Variants in MAP4 observed in about 807,000 individuals in gnomAD.
MAP4 encodes microtubule associated protein 4.
A neutral mutation model predicts 170.2 loss-of-function variants in MAP4; 76 were observed. The ratio of observed to expected loss-of-function variants is 0.45; its 90% confidence interval spans 0.37 to 0.54. The LOEUF is 0.54. Ranked by LOEUF, MAP4 falls within the 20% of genes least tolerant of loss-of-function variation. MAP4 has a pLI of 0.00. For missense variants in MAP4, 2,506 were observed against 2,748.0 expected (o/e 0.91, Z 1.97); for synonymous variants, 909 against 994.5 (o/e 0.91, Z 1.62).
In MAP4 at chr3:47,871,104, A is replaced by G. The variant is rs2092138394; in HGVS notation, c.6003T>C (p.Ala2001=). 1 of 1,606,554 alleles carries G rather than the reference A, an allele frequency of 6.2e-7. No homozygotes were observed. The highest frequency in any genetic ancestry group is 1.3e-5 in the African/African-American group (1 of 74,704). Residue 2001 remains alanine (A), a splice_region_variant and synonymous_variant, in exon 15 of 21, where the codon GCT becomes GCC. Coordinates refer to ENST00000683076, the MANE Select transcript of MAP4 (RefSeq NM_001385682.1). ...AGGTGCTCTTTGGGCGACTCAAGTC[A>G]GCTGCAAAGAAGGGAGTGAGAGATA... ...VKKMTAKSVP[A]DLSRPKSTST... is the part of the protein sequence containing the mutation.
intron 1 of MAP4, among the ~76,000 whole-genome samples, chr3:48,074,679 TGTGTGTGTGTGTGTGTG>T (rs2100142884): frequency 4.0e-5 from 5 of 125,396 alleles, no homozygotes; most frequent in South Asian, 2.9e-4. Context: ...CAGCTAATTG[TGTGTGTGTGTGTGTGTG>T]TGTGTGTGTG....
intron 10 of MAP4, among the ~76,000 whole-genome samples, chr3:47,900,651 G>T (rs919564357): frequency 1.3e-5 from 2 of 152,074 alleles, no homozygotes; most frequent in Admixed American, 1.3e-4. Context: ...CAGGAGAATC[G>T]CTTGAACCTG....
chr3:47,853,216 CCT>C lies in MAP4; in HGVS notation c.6831_6832del (p.Gly2279TrpfsTer2), dbSNP rs760206022. On this transcript the variant is annotated frameshift_variant, in exon 20 of 21. Transcript: ENST00000683076. LOFTEE classifies it high-confidence loss of function. Reference sequence around the variant, plus strand: ...CTGGGCCTCCCTTTGGTCACCACCCCCTGACAGGGTGGGGTGGCCATTGAGGC... The same window carrying C: ...CTGGGCCTCCCTTTGGTCACCACCCCGACAGGGTGGGGTGGCCATTGAGGC... The C allele has an allele frequency of 1.0e-5, 16 of 1,579,908 alleles. No individual in the cohort carries two copies. The Admixed American group carries it at 2.1e-4, about 21-fold the overall frequency.
chr3:48,088,440 C>G (rs1246106161), intron 1 of MAP4, among the ~76,000 whole-genome samples: 1 of 152,144 alleles, frequency 6.6e-6, no homozygotes, highest in Non-Finnish European at 1.5e-5. Flanking sequence ...AGACTGCGGC[C>G]GACCCTCGCT....
At chr3:47,857,229 A>G (rs2306794) in intron 18 of MAP4, among the ~76,000 whole-genome samples, 6,423 of 152,328 alleles carry the variant, frequency 0.042, 303 homozygotes, top group Admixed American at 0.13. Context: ...TGGCTGCTGT[A>G]AGAAACTGCT....
chr3:48,065,986 A>C (rs1340719846), intron 1 of MAP4, among the ~76,000 whole-genome samples: 1 of 152,126 alleles, frequency 6.6e-6, no homozygotes, highest in African/African-American at 2.4e-5. Context: ...CGATAAATTC[A>C]ATAAACTGAA....
Position 47,910,275 on chromosome 3 carries a change from C to T in MAP4, c.4146G>A (p.Glu1382=), listed in dbSNP as rs761396513. 12 of 1,602,330 alleles carry T rather than the reference C, an allele frequency of 7.5e-6. No individual in the cohort carries two copies. Among genetic ancestry groups the T allele is most frequent in the Non-Finnish European group, 1.0e-5 (12 of 1,178,604 alleles). ...GTATTTTTGTTGCATCTATCTTATT[C>T]TCCAGAATGTGCTTCTCAGGAGAAC... ...KNSSPEKHIL[E]NKIDATKIHV... is the part of the protein sequence containing the mutation. The change falls in exon 9 of 21, where the codon GAG becomes GAA. Residue 1382 remains glutamate (E), a synonymous_variant. Coordinates refer to ENST00000683076, the MANE Select transcript of MAP4 (RefSeq NM_001385682.1).
intron 1 of MAP4, among the ~76,000 whole-genome samples, chr3:48,043,673 G>T (rs1346087876): frequency 6.6e-6 from 1 of 152,100 alleles, no homozygotes; most frequent in African/African-American, 2.4e-5. Flanking sequence ...CAAAGAAAAG[G>T]CTAGTTAGGG....
intron 3 of MAP4, chr3:47,973,273 G>A (rs890317112): frequency 3.1e-6 from 3 of 976,206 alleles, no homozygotes; most frequent in Admixed American, 6.2e-5. Context: ...GAAAAAAAAA[G>A]AGAGAGAGAA....
chr3:47,903,183 A>G (rs2100031048), intron 9 of MAP4, among the ~76,000 whole-genome samples, 183 bp from the exon 10 acceptor site: 1 of 152,142 alleles, frequency 6.6e-6, no homozygotes, highest in Non-Finnish European at 1.5e-5. Context: ...TTGGAATCTA[A>G]TGTGGATCAT....
At chr3:47,891,120 GT>G (rs2100023693) in intron 10 of MAP4, 4 of 1,536,386 alleles carry the variant, frequency 2.6e-6, no homozygotes, top group Non-Finnish European at 3.5e-6. Context: ...TGTCCTGGCT[GT>G]TTCTCTCCTC....
intron 7 of MAP4, 97 bp downstream of exon 7, chr3:47,915,854 G>A: frequency 7.2e-7 from 1 of 1,383,854 alleles, no homozygotes; most frequent in Non-Finnish European, 9.8e-7. Context: ...AGTACAGTGT[G>A]ACTGTCTGTA....
chr3:48,057,084 C>T lies in MAP4; in HGVS notation c.-20+31689G>A, dbSNP rs1198909635. On this transcript the variant is annotated intron_variant, in intron 1 of 18. Transcript: ENST00000360240. ...CTGGGAAGTGAGGAGCCCCTCTGCCCGGCCACCACCCCGTCTGGGAGGTGT... is the reference window on the plus strand; with the variant it reads ...CTGGGAAGTGAGGAGCCCCTCTGCCTGGCCACCACCCCGTCTGGGAGGTGT... Among the ~76,000 whole-genome samples, 7 of 151,096 alleles carry T rather than the reference C, an allele frequency of 4.6e-5. No individual in the cohort carries two copies. In the South Asian group the frequency reaches 1.3e-3, roughly 27 times the overall value.
At chr3:48,050,120 C>T (rs1043821126) in intron 1 of MAP4, among the ~76,000 whole-genome samples, 1 of 151,392 alleles carries the variant, frequency 6.6e-6, no homozygotes, top group East Asian at 1.9e-4. Flanking sequence ...AGTAGCTGGG[C>T]GTGGTGGCAC....
intron 1 of MAP4, among the ~76,000 whole-genome samples, chr3:48,010,024 G>A (rs950394430): frequency 2.0e-5 from 3 of 152,130 alleles, no homozygotes; most frequent in Non-Finnish European, 2.9e-5. Context: ...ACTTCACAAC[G>A]GAAGTAAGGA....
chr3:47,918,788 A>T lies in MAP4; in HGVS notation c.583T>A (p.Leu195Ile), dbSNP rs1054414562. ...VVPQGWSVEA[L>I]NSPHSESFVS... ...AAGGACTCTGAGTGTGGAGAGTTTAAGGCTTCCACAGACCACCCCTGAGGT... is the reference window on the plus strand; with the variant it reads ...AAGGACTCTGAGTGTGGAGAGTTTATGGCTTCCACAGACCACCCCTGAGGT... The change falls in exon 6 of 21, where the codon TTA (leucine) becomes ATA (isoleucine). Residue 195 changes from leucine to isoleucine, a missense_variant. By Grantham distance (5) the Leu-to-Ile change is conservative (BLOSUM62 2). Transcript: ENST00000683076. 1.2e-6 allele frequency: 2 copies of T among 1,612,414 alleles called. No homozygotes were observed. Among genetic ancestry groups the T allele is most frequent in the Non-Finnish European group, 1.7e-6 (2 of 1,178,490 alleles).
intron 2 of MAP4, among the ~76,000 whole-genome samples, chr3:47,980,339 A>G (rs2100084764): frequency 6.6e-6 from 1 of 152,228 alleles, no homozygotes; most frequent in Non-Finnish European, 1.5e-5. Flanking sequence ...CTAGCTCTGC[A>G]GTCACCTTGC....
At chr3:47,920,516 T>C (rs1358384895) in intron 5 of MAP4, among the ~76,000 whole-genome samples, 4 of 151,966 alleles carry the variant, frequency 2.6e-5, no homozygotes, top group Non-Finnish European at 5.9e-5. Context: ...GTGCTGGGAT[T>C]ACGGGCGTGT....
chr3:47,872,548 C>A (rs1277393581), intron 12 of MAP4, among the ~76,000 whole-genome samples: 1 of 152,120 alleles, frequency 6.6e-6, no homozygotes, highest in Admixed American at 6.5e-5. Flanking sequence ...CAGCTACTGA[C>A]AGGAAAATAC....
Sources: gnomAD v4.1 joint callset for allele counts (sites outside exome capture counted in the v4.1 genomes callset) on GRCh38, gnomAD v4.1.1 for gene constraint, MANE v1.5 for transcripts, NCBI Gene and HGNC (gene_info 2026-07-23, HGNC 2026-07-21) for gene names.